FBN1: variants seen among roughly 807,000 people sequenced by gnomAD.
FBN1 encodes fibrillin 1.
A neutral mutation model predicts 365.1 loss-of-function variants in FBN1; 29 were observed. The ratio of observed to expected loss-of-function variants is 0.08; its 90% CI spans 0.06 to 0.11. The LOEUF is 0.11. Ranked by LOEUF, FBN1 falls within the 10% of genes least tolerant of loss-of-function variation. The pLI is 1.00. For synonymous variants in FBN1, 1,210 were observed against 1,270.5 expected, an observed-to-expected ratio of 0.95 and a Z score of 1.01; for missense variants, 2,476 against 3,703.2, an observed-to-expected ratio of 0.67 and a Z score of 8.60.
intron 63 of FBN1, 61 bp from the exon 64 acceptor site, chr15:48,415,828 T>C: frequency 7.1e-7 from 1 of 1,414,572 alleles, no homozygotes; most frequent in Non-Finnish European, 1.0e-6. Flanking sequence ...TTGAGGACAT[T>C]GGATCTGGCC....
At chr15:48,443,542 G>A (rs2043132380) in intron 49 of FBN1, among the ~76,000 whole-genome samples, 1 of 152,010 alleles carries the variant, frequency 6.6e-6, no homozygotes, top group South Asian at 2.1e-4. Flanking sequence ...TTTCAATAAG[G>A]TGTTTCCATT....
intron 10 of FBN1, among the ~76,000 whole-genome samples, chr15:48,519,290 C>T (rs2141334453): frequency 6.6e-6 from 1 of 152,262 alleles, no homozygotes; most frequent in East Asian, 1.9e-4. Context: ...TCATTGTGCA[C>T]AACGTGATGT....
rs1225924246 is a variant in FBN1 at position 48,470,762 on chromosome 15, G to C, written c.4337-6C>G. 1.5e-5 allele frequency: 25 copies of C among 1,613,750 alleles called. No homozygotes were observed. The highest frequency in any genetic ancestry group is 2.1e-5 in the Non-Finnish European group (25 of 1,179,948). ...AAGGGAGCACTCATCAATATCTTGGGGGGAGGGAGAAAAAAGCAAAAAACT... is the reference window on the plus strand; with the variant it reads ...AAGGGAGCACTCATCAATATCTTGGCGGGAGGGAGAAAAAAGCAAAAAACT... On this transcript the variant is annotated splice_region_variant and splice_polypyrimidine_tract_variant and intron_variant, in intron 35 of 65. Transcript: ENST00000316623.
intron 63 of FBN1, among the ~76,000 whole-genome samples, chr15:48,419,695 A>C (rs2042925557): frequency 6.6e-6 from 1 of 152,188 alleles, no homozygotes; most frequent in Non-Finnish European, 1.5e-5. Flanking sequence ...AACACACCAA[A>C]TATGTCTTCA....
chr15:48,586,786 T>G (rs925309436), intron 6 of FBN1, among the ~76,000 whole-genome samples: 11 of 152,220 alleles, frequency 7.2e-5, no homozygotes, highest in African/African-American at 2.7e-4. Flanking sequence ...GGATCATACA[T>G]GGATTCAAAA....
At chr15:48,458,130 G>A (rs555983625) in intron 43 of FBN1, among the ~76,000 whole-genome samples, 1 of 152,338 alleles carries the variant, frequency 6.6e-6, no homozygotes, top group South Asian at 2.1e-4. Context: ...TTCTATGACT[G>A]TTGTTGAGAT....
At chr15:48,568,191 T>C (rs1205688716) in intron 6 of FBN1, among the ~76,000 whole-genome samples, 1 of 138,872 alleles carries the variant, frequency 7.2e-6, no homozygotes, top group South Asian at 2.2e-4. Flanking sequence ...AACATCAGTA[T>C]ACAAAGAGCA....
intron 34 of FBN1, among the ~76,000 whole-genome samples, chr15:48,473,096 G>A (rs2043391581): frequency 6.6e-6 from 1 of 152,156 alleles, no homozygotes; most frequent in Non-Finnish European, 1.5e-5. Context: ...TCTCTACCTA[G>A]TTTTCTTAAT....
At chr15:48,411,456 CAA>C in intron 65 of FBN1, 77 bp from the exon 66 acceptor site, 1 of 1,334,050 alleles carries the variant, frequency 7.5e-7, no homozygotes, top group Non-Finnish European at 1.1e-6. Flanking sequence ...AAAAATGACT[CAA>C]ATTTCACACT....
chr15:48,495,703 G>A, intron 20 of FBN1, 115 bp from the exon 21 acceptor site: 1 of 1,366,122 alleles, frequency 7.3e-7, no homozygotes, highest in Non-Finnish European at 1.0e-6. Context: ...AGTAAAGCTG[G>A]GCTAAATAGT....
chr15:48,470,572 C>G, intron 36 of FBN1, 62 bp downstream of exon 36: 1 of 1,610,906 alleles, frequency 6.2e-7, no homozygotes, highest in Non-Finnish European at 8.5e-7. Context: ...CCCAGGGAGG[C>G]TCCAATAGCT....
chr15:48,442,408 C>T (rs551877798), intron 49 of FBN1, among the ~76,000 whole-genome samples: 4 of 152,290 alleles, frequency 2.6e-5, no homozygotes, highest in East Asian at 3.9e-4. Flanking sequence ...TGCAAACTAA[C>T]GATATCATAG....
rs533720891 is a variant in FBN1, at chr15:48,438,540, C to T, written c.6164-623G>A. Reference sequence around the variant, plus strand: ...TGCTGGCTACAAAATGCAAGTGGGGCTTTTTGTAGATTTTACACACACACA... The same window carrying T: ...TGCTGGCTACAAAATGCAAGTGGGGTTTTTTGTAGATTTTACACACACACA... On this transcript the variant is annotated intron_variant, in intron 50 of 65. Transcript: ENST00000316623. 6.6e-5 allele frequency among the ~76,000 whole-genome samples: 10 copies of T among 150,454 alleles called. No homozygotes were observed. In the East Asian group the frequency reaches 1.4e-3, roughly 21 times the overall value.
At chr15:48,422,128 T>G (rs1042893598) in intron 60 of FBN1, 60 bp from the exon 61 acceptor site, 21 of 1,168,236 alleles carry the variant, frequency 1.8e-5, no homozygotes, top group Non-Finnish European at 2.5e-5. Context: ...TCAGGGAAGC[T>G]GACCCTATGA....
At chr15:48,428,676 A>G (rs1163113349) in intron 56 of FBN1, among the ~76,000 whole-genome samples, 1 of 151,298 alleles carries the variant, frequency 6.6e-6, no homozygotes, top group South Asian at 2.1e-4. Flanking sequence ...TGAATCACTA[A>G]TCTGTTCACA....
intron 8 of FBN1, among the ~76,000 whole-genome samples, chr15:48,533,732 G>A (rs2043991037): frequency 6.6e-6 from 1 of 152,108 alleles, no homozygotes; most frequent in Non-Finnish European, 1.5e-5. Context: ...TATTCTGAAT[G>A]ATATCTAATG....
intron 15 of FBN1, among the ~76,000 whole-genome samples, chr15:48,506,258 A>C (rs1229150511): frequency 1.3e-5 from 2 of 152,134 alleles, no homozygotes; most frequent in Non-Finnish European, 2.9e-5. Flanking sequence ...AAAGCAAATG[A>C]TTTTATAACA....
At chr15:48,635,552 C>T (rs1597647028) in intron 2 of FBN1, among the ~76,000 whole-genome samples, 1 of 152,154 alleles carries the variant, frequency 6.6e-6, no homozygotes, top group Non-Finnish European at 1.5e-5. Context: ...AGGTGGATTA[C>T]ACCAACAGAT....
intron 6 of FBN1, among the ~76,000 whole-genome samples, chr15:48,554,100 G>A (rs2044162679): frequency 6.6e-6 from 1 of 152,238 alleles, no homozygotes; most frequent in East Asian, 1.9e-4. Context: ...TCTAAAAGCT[G>A]TGCTTTCCCC....
Sources: allele counts gnomAD v4.1 joint callset (sites outside exome capture counted in the v4.1 genomes callset), GRCh38; gene constraint gnomAD v4.1.1; transcripts MANE v1.5; gene names NCBI Gene and HGNC (gene_info 2026-07-23, HGNC 2026-07-21).